CAGE1: variants seen among roughly 807,000 people sequenced by gnomAD.
CAGE1 encodes the protein cancer antigen 1.
Under a neutral mutation model 94.9 loss-of-function variants are expected in CAGE1, and 66 were observed. The ratio of observed to expected loss-of-function variants is 0.70; its 90% confidence interval spans 0.57 to 0.85. CAGE1 has a LOEUF of 0.85. Ranked by LOEUF, CAGE1 falls within the 40% of genes least tolerant of loss-of-function variation. The pLI is 0.00. For synonymous variants in CAGE1, 319 were observed against 321.0 expected, an observed-to-expected ratio of 0.99 and a Z score of 0.07; for missense variants, 865 against 950.4, an observed-to-expected ratio of 0.91 and a Z score of 1.18.
At position 7,381,941 on chromosome 6, in the gene CAGE1, G is replaced by A. The variant is rs538555859; in HGVS notation, c.284-2921C>T. On this transcript the variant is annotated intron_variant, in intron 3 of 13. Coordinates refer to ENST00000502583, the MANE Select transcript of CAGE1 (RefSeq NM_001170692.2). ...TGCAAGCTCTGCCTCCTGGGTTCAC[G>A]CCATTCTCCTTTCTCAGCCTCCCAA... 5.8e-4 allele frequency among the ~76,000 whole-genome samples: 88 copies of A among 151,500 alleles called. 1 individual carries two copies. The highest frequency in any genetic ancestry group is 2.1e-3 in the African/African-American group (85 of 41,286).
chr6:7,339,579 T>A lies in CAGE1; in HGVS notation c.2370-5489A>T, dbSNP rs528154404. ...AATTTGTAAGGCGATCTTGCCGCCA[T>A]GCTCCGCTGAAAGGAAAGGCACTGT... On this transcript the variant is annotated intron_variant, in intron 11 of 13. Coordinates refer to ENST00000502583, the MANE Select transcript of CAGE1 (RefSeq NM_001170692.2). The surrounding 1 kb of genome is among the most constrained non-coding windows in gnomAD (Gnocchi z 4.7). The A allele has an allele frequency of 1.3e-6, 1 of 751,114 alleles. No individual in the cohort carries two copies. The highest frequency in any genetic ancestry group is 2.5e-5 in the East Asian group (1 of 40,500). The allele number at this position is 751,114 out of a possible 1,614,324, so 46.5% of individuals were successfully genotyped here.
intron 7 of CAGE1, among the ~76,000 whole-genome samples, chr6:7,367,111 T>C (rs1760370007): frequency 6.6e-6 from 1 of 152,090 alleles, no homozygotes; most frequent in Non-Finnish European, 1.5e-5. Context: ...GCTTCAATAA[T>C]TAACAGCTAA....
chr6:7,361,609 T>A (rs1760167799), intron 9 of CAGE1, among the ~76,000 whole-genome samples: 1 of 152,194 alleles, frequency 6.6e-6, no homozygotes, highest in African/African-American at 2.4e-5. Flanking sequence ...GCTCTTAAGC[T>A]CTTGCTAAGA....
intron 11 of CAGE1, among the ~76,000 whole-genome samples, chr6:7,349,388 A>G (rs573078293): frequency 6.6e-6 from 1 of 152,208 alleles, no homozygotes; most frequent in Admixed American, 6.5e-5. Flanking sequence ...CCAAGCCACC[A>G]CTACAAGAAC....
chr6:7,341,597 T>C, intron 11 of CAGE1: 1 of 922,010 alleles, frequency 1.1e-6, no homozygotes, highest in Non-Finnish European at 1.8e-6. Flanking sequence ...TCCTCTAACT[T>C]GTCCACAGCA....
chr6:7,385,737 A>G, intron 3 of CAGE1, 48 bp downstream of exon 3: 3 of 1,145,506 alleles, frequency 2.6e-6, no homozygotes, highest in Non-Finnish European at 3.7e-6. Flanking sequence ...CACGGAACAC[A>G]AAAAAAAGTT....
chr6:7,330,587 A>G (rs896312560), intron 12 of CAGE1, among the ~76,000 whole-genome samples: 6 of 152,216 alleles, frequency 3.9e-5, no homozygotes, highest in Non-Finnish European at 8.8e-5. Flanking sequence ...CACTATTTCC[A>G]CTACTGAAGA....
intron 11 of CAGE1, among the ~76,000 whole-genome samples, chr6:7,346,188 G>A (rs1226354723): frequency 1.3e-5 from 2 of 152,192 alleles, no homozygotes; most frequent in Admixed American, 6.5e-5. Context: ...ACCTTTTAAT[G>A]AGAGTAAAGC....
intron 4 of CAGE1, among the ~76,000 whole-genome samples, chr6:7,377,677 C>A (rs1470029814): frequency 6.6e-6 from 1 of 152,102 alleles, no homozygotes; most frequent in Admixed American, 6.6e-5. Flanking sequence ...GCAGGGGTTG[C>A]GGTGAGCCAA....
intron 3 of CAGE1, among the ~76,000 whole-genome samples, chr6:7,381,158 C>G (rs1253657471): frequency 6.6e-6 from 1 of 152,204 alleles, no homozygotes; most frequent in African/African-American, 2.4e-5. Context: ...TGCTGAAGCT[C>G]TAACCCCTAG....
intron 11 of CAGE1, among the ~76,000 whole-genome samples, chr6:7,334,686 C>A (rs1410129454): frequency 8.6e-5 from 12 of 139,612 alleles, no homozygotes; most frequent in African/African-American, 2.7e-4. Context: ...CAAGACCGTG[C>A]CACTGCACTT....
At chr6:7,377,553 T>C (rs1406921989) in intron 4 of CAGE1, among the ~76,000 whole-genome samples, 1 of 151,882 alleles carries the variant, frequency 6.6e-6, no homozygotes, top group Non-Finnish European at 1.5e-5. Context: ...GCCAACATGG[T>C]GAAAACCCGT....
At position 7,339,639 on chromosome 6, in the gene CAGE1, C is replaced by T. The variant is rs1759095667; in HGVS notation, c.2370-5549G>A. Reference sequence around the variant, plus strand: ...ATGCCTTTGTGTCCTCATAGCTTAGCTCCCACTTATGAGTGAGAACATATG... The same window carrying T: ...ATGCCTTTGTGTCCTCATAGCTTAGTTCCCACTTATGAGTGAGAACATATG... On this transcript the variant is annotated intron_variant, in intron 11 of 13. Transcript: ENST00000502583. The surrounding 1 kb of genome is among the most constrained non-coding windows in gnomAD (Gnocchi z 4.7). 1.6e-6 allele frequency: 1 copy of T among 636,788 alleles called. No individual in the cohort carries two copies. The highest frequency in any genetic ancestry group is 1.8e-5 in the South Asian group (1 of 55,396). The allele number at this position is 636,788 out of a possible 1,614,324, so 39.4% of individuals were successfully genotyped here. A position where few individuals can be genotyped will look rare whatever the true frequency, so the allele number is the denominator to read the frequency against.
chr6:7,388,184 A>G (rs1761195180), intron 1 of CAGE1, among the ~76,000 whole-genome samples: 1 of 152,044 alleles, frequency 6.6e-6, no homozygotes, highest in South Asian at 2.1e-4. Context: ...CATTGATTCT[A>G]TAAATTTTTG....
Position 7,373,397 on chromosome 6 carries a change from T to C in CAGE1, c.1422A>G (p.Lys474=). 6.2e-7 allele frequency: 1 copy of C among 1,613,852 alleles called. No homozygotes were observed. The highest frequency in any genetic ancestry group is 8.5e-7 in the Non-Finnish European group (1 of 1,179,828). The change falls in exon 5 of 14, where the codon AAA becomes AAG. Residue 474 remains lysine (K), a synonymous_variant. Coordinates refer to ENST00000502583, the MANE Select transcript of CAGE1 (RefSeq NM_001170692.2). ...CTTGTTCTTGGGCCTCTTTTTCCCG[T>C]TTCAACAAGTCCAAAGCAGAAGCTG... ...KATASALDLL[K]REKEAQEQEF...
At chr6:7,331,565 T>C (rs1464414951) in intron 12 of CAGE1, 2 of 356,140 alleles carry the variant, frequency 5.6e-6, no homozygotes, top group Non-Finnish European at 1.1e-5. Context: ...GACACACCAT[T>C]CTGGGCCCCA....
chr6:7,329,196 G>A (rs1396945974), intron 13 of CAGE1: 16 of 403,688 alleles, frequency 4.0e-5, no homozygotes, highest in Non-Finnish European at 6.2e-5. Context: ...GCCTCCCAAA[G>A]TGCTGGGATT....
At position 7,373,094 on chromosome 6, in the gene CAGE1, G is replaced by A; in HGVS notation, c.1725C>T (p.Val575=). The A allele has an allele frequency of 6.2e-7, 1 of 1,605,270 alleles. No homozygotes were observed. Among genetic ancestry groups the A allele is most frequent in the Non-Finnish European group, 8.5e-7 (1 of 1,176,552 alleles). Residue 575 remains valine, a synonymous_variant, in exon 5 of 14, where the codon GTC becomes GTT. Coordinates refer to ENST00000502583, the MANE Select transcript of CAGE1 (RefSeq NM_001170692.2). Reference sequence around the variant, plus strand: ...ATACCTTGGTAATATCTGACTTCAAGACTTCCTCTAATTGATCCTTTAACT... The same window carrying A: ...ATACCTTGGTAATATCTGACTTCAAAACTTCCTCTAATTGATCCTTTAACT... ...TAQLKDQLEE[V]LKSDITKDTK... is the part of the protein sequence containing the mutation.
At chr6:7,358,027 G>GATATATATATATATATATATATAT (rs55850429) in intron 9 of CAGE1, among the ~76,000 whole-genome samples, 3 of 48,080 alleles carry the variant, frequency 6.2e-5, no homozygotes, top group Non-Finnish European at 8.6e-5. Context: ...TAAGTTTTGA[G>GATATATATATATATATATATATAT]ATATATATAT....
Sources: allele counts gnomAD v4.1 joint callset (sites outside exome capture counted in the v4.1 genomes callset), GRCh38; gene constraint gnomAD v4.1.1; non-coding constraint Gnocchi (gnomAD v3.1); transcripts MANE v1.5; gene names NCBI Gene and HGNC (gene_info 2026-07-23, HGNC 2026-07-21).